Variants in TEX14 observed in about 807,000 individuals in gnomAD.
The protein encoded by TEX14 is inactive serine/threonine-protein kinase TEX14.
Under a neutral mutation model 178.6 loss-of-function variants are expected in TEX14, and 168 were observed. The ratio of observed to expected loss-of-function variants is 0.94; its 90% CI spans 0.83 to 1.07. The LOEUF is 1.07. Among genes scored for constraint, TEX14 ranks in the 50% least tolerant of loss-of-function variants. The probability of loss-of-function intolerance (pLI) is 0.00; values close to 1 mark genes in which losing one functional copy is unlikely to be tolerated. For synonymous variants in TEX14, 626 were observed against 634.1 expected (o/e 0.99, Z 0.19); for missense variants, 1,730 against 1,753.6 (o/e 0.99, Z 0.24).
At chr17:58,624,660 AATCT>A (rs1270279344) in intron 3 of TEX14, among the ~76,000 whole-genome samples, 3 of 152,052 alleles carry the variant, frequency 2.0e-5, no homozygotes, top group African/African-American at 7.2e-5. Context: ...TTCATTTAAG[AATCT>A]ATCTTGGAGA....
chr17:58,574,675 CAAAAAAAAAAAAAAAAA>C (rs1177255314), intron 21 of TEX14, among the ~76,000 whole-genome samples: 1 of 43,890 alleles, frequency 2.3e-5, no homozygotes, highest in Non-Finnish European at 4.0e-5. Flanking sequence ...ACTCCATCTC[CAAAAAAAAAAAAAAAAA>C]AAAAAAAAAG....
At chr17:58,641,823 T>C (rs1290069369) in intron 2 of TEX14, among the ~76,000 whole-genome samples, 1 of 152,184 alleles carries the variant, frequency 6.6e-6, no homozygotes, top group Non-Finnish European at 1.5e-5. Context: ...ATAGATGTTT[T>C]AATCCATTAT....
At chr17:58,637,956 G>T (rs1225929948) in intron 2 of TEX14, among the ~76,000 whole-genome samples, 1 of 150,828 alleles carries the variant, frequency 6.6e-6, no homozygotes, top group Non-Finnish European at 1.5e-5. Context: ...CTGCCTCCCA[G>T]GTTCAAGCAA....
chr17:58,616,023 A>G (rs1026941188), intron 7 of TEX14, 152 bp downstream of exon 7: 3 of 849,272 alleles, frequency 3.5e-6, no homozygotes, highest in African/African-American at 3.4e-5. Context: ...AAAAATGGTA[A>G]TAGTGTCCTG....
intron 5 of TEX14, among the ~76,000 whole-genome samples, chr17:58,619,729 G>A (rs571958624): frequency 2.8e-4 from 42 of 150,426 alleles, no homozygotes; most frequent in African/African-American, 9.8e-4. Context: ...TTGAACCCAG[G>A]AGACAGAGGT....
At chr17:58,673,482 CAA>C (rs1204159816) in intron 1 of TEX14, among the ~76,000 whole-genome samples, 1 of 83,982 alleles carries the variant, frequency 1.2e-5, no homozygotes, top group African/African-American at 5.4e-5. Flanking sequence ...GACTCCATCT[CAA>C]AAATAAATAA....
chr17:58,643,602 G>A (rs1186918421), intron 2 of TEX14, among the ~76,000 whole-genome samples: 2 of 151,686 alleles, frequency 1.3e-5, no homozygotes. Context: ...GGGCACAGTG[G>A]CTTACAACTG....
At chr17:58,601,103 AGGCCAGGTGTGGT>A (rs1422771788) in intron 13 of TEX14, among the ~76,000 whole-genome samples, 1 of 151,834 alleles carries the variant, frequency 6.6e-6, no homozygotes, top group Non-Finnish European at 1.5e-5. Flanking sequence ...AAACTTTTTT[AGGCCAGGTGTGGT>A]GGCTCATGCC....
At chr17:58,560,624 T>A (rs2044254989) in intron 29 of TEX14, among the ~76,000 whole-genome samples, 2 of 152,248 alleles carry the variant, frequency 1.3e-5, no homozygotes, top group Non-Finnish European at 2.9e-5. Flanking sequence ...TTTCAGGTAT[T>A]TGAGGGCAGC....
intron 29 of TEX14, among the ~76,000 whole-genome samples, chr17:58,560,528 A>G (rs1278512274): frequency 6.6e-6 from 1 of 152,212 alleles, no homozygotes; most frequent in Non-Finnish European, 1.5e-5. Context: ...TGCTTTATTG[A>G]ATAAAAATCT....
intron 15 of TEX14, among the ~76,000 whole-genome samples, chr17:58,592,092 A>G (rs981992296): frequency 2.0e-5 from 3 of 151,838 alleles, no homozygotes; most frequent in Middle Eastern, 3.4e-3. Flanking sequence ...AAAAAAAATT[A>G]TTGCCCTTTT....
chr17:58,612,736 A>T (rs895949262), intron 9 of TEX14, among the ~76,000 whole-genome samples: 3 of 23,986 alleles, frequency 1.3e-4, no homozygotes, highest in African/African-American at 3.5e-4. Context: ...CTCTTGTCTC[A>T]AAAAAAAAAA....
intron 1 of TEX14, among the ~76,000 whole-genome samples, chr17:58,689,953 A>C (rs2047664640): frequency 6.8e-6 from 1 of 147,872 alleles, no homozygotes; most frequent in South Asian, 2.1e-4. Context: ...GGGTTCATGC[A>C]ATTCTCCTGC....
At chr17:58,650,410 A>C (rs1460494703) in intron 2 of TEX14, among the ~76,000 whole-genome samples, 2 of 152,152 alleles carry the variant, frequency 1.3e-5, no homozygotes, top group East Asian at 3.9e-4. Flanking sequence ...GTTATGGAGT[A>C]AAATGCAAAA....
chr17:58,610,583 T>C (rs1322470433), intron 10 of TEX14, among the ~76,000 whole-genome samples: 1 of 152,170 alleles, frequency 6.6e-6, no homozygotes, highest in Non-Finnish European at 1.5e-5. Flanking sequence ...TACACCTTGT[T>C]GTGTTAAAAG....
At chr17:58,673,461 C>T (rs1287535549) in intron 1 of TEX14, among the ~76,000 whole-genome samples, 3 of 150,320 alleles carry the variant, frequency 2.0e-5, no homozygotes, top group Non-Finnish European at 2.9e-5. Flanking sequence ...CCAGCCTACA[C>T]GACAGAGTGA....
intron 1 of TEX14, chr17:58,675,547 T>A (rs990126576): frequency 2.6e-5 from 4 of 152,200 alleles, no homozygotes; most frequent in African/African-American, 9.6e-5. Context: ...CTCCAGACAA[T>A]CTCTGGCTCT....
chr17:58,600,336 C>G (rs1307998543), intron 13 of TEX14, among the ~76,000 whole-genome samples: 1 of 150,686 alleles, frequency 6.6e-6, no homozygotes, highest in Non-Finnish European at 1.5e-5. Flanking sequence ...GGTCTCAAAC[C>G]AACATGGTGA....
intron 14 of TEX14, among the ~76,000 whole-genome samples, chr17:58,598,635 A>G (rs1296738065): frequency 6.6e-6 from 1 of 152,186 alleles, no homozygotes; most frequent in African/African-American, 2.4e-5. Context: ...CAAAGCTAAG[A>G]GCACCTTGCT....
Sources: allele counts gnomAD v4.1 joint callset (sites outside exome capture counted in the v4.1 genomes callset), GRCh38; gene constraint gnomAD v4.1.1; transcripts MANE v1.5; gene names NCBI Gene and HGNC (gene_info 2026-07-23, HGNC 2026-07-21).